CCSER1: variants seen among roughly 807,000 people sequenced by gnomAD.
The protein encoded by CCSER1 is coiled-coil serine rich protein 1.
Under a neutral mutation model 82.0 loss-of-function variants are expected in CCSER1, and 41 were observed. That is an observed-to-expected ratio of 0.50 (90% CI 0.39 to 0.65). The LOEUF (loss-of-function observed/expected upper bound fraction) is 0.65. Ranked by LOEUF, CCSER1 falls within the 30% of genes least tolerant of loss-of-function variation. The pLI is 0.00. For missense variants in CCSER1, 1,119 were observed against 1,064.2 expected (o/e 1.05, Z -0.72); for synonymous variants, 414 against 383.9 (o/e 1.08, Z -0.92).
At chr4:90,405,996 A>G (rs1439384625) in intron 4 of CCSER1, among the ~76,000 whole-genome samples, 1 of 152,216 alleles carries the variant, frequency 6.6e-6, no homozygotes, top group Non-Finnish European at 1.5e-5. Context: ...GATGAATAGA[A>G]TAGTACCTCA....
chr4:90,682,758 T>C (rs1050076085), intron 6 of CCSER1, among the ~76,000 whole-genome samples: 1 of 152,068 alleles, frequency 6.6e-6, no homozygotes, highest in Non-Finnish European at 1.5e-5. Flanking sequence ...TAATAGTTTG[T>C]GTAAATTCTC....
chr4:90,605,153 C>T (rs1003847414), intron 5 of CCSER1, among the ~76,000 whole-genome samples: 1 of 152,196 alleles, frequency 6.6e-6, no homozygotes, highest in Non-Finnish European at 1.5e-5. Context: ...ACGAACCCCC[C>T]AGAAGGAAGA....
At chr4:90,485,974 A>G (rs1274949341) in intron 5 of CCSER1, among the ~76,000 whole-genome samples, 1 of 152,160 alleles carries the variant, frequency 6.6e-6, no homozygotes, top group African/African-American at 2.4e-5. Flanking sequence ...TCTTCAACTC[A>G]GAGGACTCTG....
At chr4:90,596,434 C>T (rs1015895384) in intron 5 of CCSER1, among the ~76,000 whole-genome samples, 1 of 151,706 alleles carries the variant, frequency 6.6e-6, no homozygotes, top group African/African-American at 2.4e-5. Flanking sequence ...CATGTACTAA[C>T]AATGATATAA....
intron 7 of CCSER1, among the ~76,000 whole-genome samples, chr4:90,776,851 T>C (rs1392184450): frequency 1.9e-4 from 29 of 152,202 alleles, no homozygotes; most frequent in Non-Finnish European, 1.5e-5. Context: ...CCCAATACTC[T>C]ATGCATTTCT....
At chr4:90,307,831 G>T (rs993426263) in intron 1 of CCSER1, among the ~76,000 whole-genome samples, 1 of 151,966 alleles carries the variant, frequency 6.6e-6, no homozygotes, top group Non-Finnish European at 1.5e-5. Context: ...AGTCATGGTG[G>T]GGCATTTACC....
intron 8 of CCSER1, among the ~76,000 whole-genome samples, chr4:90,816,514 A>G (rs1435608673): frequency 4.6e-5 from 7 of 152,100 alleles, no homozygotes; most frequent in Non-Finnish European, 4.4e-5. Context: ...ATGAATATTA[A>G]CAGTATTTTG....
chr4:90,428,992 T>C (rs1757898617), intron 4 of CCSER1, among the ~76,000 whole-genome samples: 1 of 151,778 alleles, frequency 6.6e-6, no homozygotes, highest in Non-Finnish European at 1.5e-5. Flanking sequence ...CTTTAGTTAA[T>C]AATAATGTGT....
intron 1 of CCSER1, among the ~76,000 whole-genome samples, chr4:90,276,406 G>T (rs1217767168): frequency 6.7e-6 from 1 of 148,350 alleles, no homozygotes; most frequent in African/African-American, 2.5e-5. Context: ...GAGTGCAGTG[G>T]CACGATCTCT....
intron 10 of CCSER1, among the ~76,000 whole-genome samples, chr4:91,381,024 A>T (rs548061138): frequency 6.6e-6 from 1 of 152,280 alleles, no homozygotes; most frequent in South Asian, 2.1e-4. Context: ...TTGGCTGGTT[A>T]TGAAATTCTG....
chr4:91,022,149 C>T (rs1399842863), intron 9 of CCSER1, among the ~76,000 whole-genome samples: 1 of 122,932 alleles, frequency 8.1e-6, no homozygotes, highest in Non-Finnish European at 1.7e-5. Context: ...TATCCCTCCC[C>T]CCTCCCCCCA....
chr4:91,440,173 C>G (rs1560673016), intron 10 of CCSER1, among the ~76,000 whole-genome samples: 1 of 152,130 alleles, frequency 6.6e-6, no homozygotes, highest in Non-Finnish European at 1.5e-5. Context: ...TTTTTTTCAG[C>G]AGCACACCAT....
intron 8 of CCSER1, among the ~76,000 whole-genome samples, chr4:90,866,741 C>T (rs1002119350): frequency 6.6e-6 from 1 of 151,950 alleles, no homozygotes; most frequent in Non-Finnish European, 1.5e-5. Flanking sequence ...TTTTTGGCAC[C>T]AGGGACTGGT....
At chr4:91,296,481 A>G (rs1212120395) in intron 10 of CCSER1, among the ~76,000 whole-genome samples, 2 of 138,520 alleles carry the variant, frequency 1.4e-5, no homozygotes, top group South Asian at 2.2e-4. Context: ...ATATATATAT[A>G]TATATTTTAA....
intron 5 of CCSER1, among the ~76,000 whole-genome samples, chr4:90,480,957 A>C (rs1161878915): frequency 1.3e-5 from 2 of 152,172 alleles, no homozygotes; most frequent in African/African-American, 4.8e-5. Context: ...GAATCTATAA[A>C]TTAGTTTGGG....
intron 6 of CCSER1, among the ~76,000 whole-genome samples, chr4:90,643,550 G>A (rs574209915): frequency 7.9e-5 from 12 of 152,232 alleles, no homozygotes; most frequent in African/African-American, 2.4e-4. Context: ...ATATCACTTA[G>A]GTTTGTAGAG....
intron 9 of CCSER1, among the ~76,000 whole-genome samples, chr4:90,983,656 C>CA (rs1462184289): frequency 1.3e-5 from 2 of 151,546 alleles, no homozygotes; most frequent in African/African-American, 4.8e-5. Flanking sequence ...TTACAAATAT[C>CA]AAAAAACAAA....
chr4:90,345,621 A>G (rs1309576257), intron 3 of CCSER1, among the ~76,000 whole-genome samples: 2 of 152,094 alleles, frequency 1.3e-5, no homozygotes, highest in Non-Finnish European at 2.9e-5. Context: ...TTTCAATCAT[A>G]TACTAAATGA....
chr4:91,302,434 G>A (rs1744739505), intron 10 of CCSER1, among the ~76,000 whole-genome samples: 1 of 151,774 alleles, frequency 6.6e-6, no homozygotes, highest in African/African-American at 2.4e-5. Flanking sequence ...TTCATCCAAG[G>A]CAAAACCATT....
Sources: gnomAD v4.1 joint callset for allele counts (sites outside exome capture counted in the v4.1 genomes callset) on GRCh38, gnomAD v4.1.1 for gene constraint, MANE v1.5 for transcripts, NCBI Gene and HGNC (gene_info 2026-07-23, HGNC 2026-07-21) for gene names.